The following PCDHA5 variants were observed in gnomAD, a reference collection of about 807,000 sequenced individuals.
PCDHA5 encodes protocadherin alpha-5.
A neutral mutation model predicts 61.6 loss-of-function variants in PCDHA5; 43 were observed. The ratio of observed to expected loss-of-function variants is 0.70; its 90% CI spans 0.55 to 0.90. PCDHA5 has a LOEUF of 0.90. PCDHA5 is among the 40% of genes least tolerant of loss of function. The probability of loss-of-function intolerance (pLI) is 0.00; values close to 1 mark genes in which losing one functional copy is unlikely to be tolerated. For synonymous variants in PCDHA5, 627 were observed against 543.9 expected (o/e 1.15, Z -2.13); for missense variants, 1,298 against 1,222.7 (o/e 1.06, Z -0.92).
chr5:140,848,483 C>CT, intron 1 of PCDHA5: 1 of 1,570,026 alleles, frequency 6.4e-7, no homozygotes. Flanking sequence ...TAGAAGAAGA[C>CT]TGAGTATTTG....
At chr5:140,828,645 A>T in intron 1 of PCDHA5, 1 of 1,614,224 alleles carries the variant, frequency 6.2e-7, no homozygotes, top group South Asian at 1.1e-5. Flanking sequence ...GTGAAAATAA[A>T]CAGTGATGAC....
intron 1 of PCDHA5, chr5:140,829,605 C>G (rs2150171072): frequency 9.9e-6 from 16 of 1,611,986 alleles, no homozygotes; most frequent in Non-Finnish European, 1.2e-5. Context: ...CGCGCGTTGT[C>G]GAGCTACATT....
chr5:140,925,596 T>G (rs1218423622), intron 1 of PCDHA5, among the ~76,000 whole-genome samples: 1 of 151,466 alleles, frequency 6.6e-6, no homozygotes, highest in Admixed American at 6.6e-5. Context: ...TGTATACATA[T>G]GTAACAAACC....
intron 1 of PCDHA5, among the ~76,000 whole-genome samples, chr5:140,899,610 A>G (rs2067438350): frequency 6.6e-6 from 1 of 152,164 alleles, no homozygotes; most frequent in Admixed American, 6.5e-5. Flanking sequence ...TTTTGCATCA[A>G]TGTTCATCAA....
intron 1 of PCDHA5, chr5:140,834,376 A>G (rs2150216105): frequency 6.4e-7 from 1 of 1,561,296 alleles, no homozygotes; most frequent in East Asian, 2.3e-5. Flanking sequence ...ACAAGCCAAT[A>G]ATTTGAAATG....
intron 1 of PCDHA5, among the ~76,000 whole-genome samples, chr5:140,839,041 C>A (rs1776010412): frequency 6.6e-6 from 1 of 151,884 alleles, no homozygotes; most frequent in African/African-American, 2.4e-5. Context: ...GTTTTCTTTT[C>A]AACGTGAATA....
Position 140,898,113 on chromosome 5 carries a change from C to G in PCDHA5, c.2352+73986C>G, listed in dbSNP as rs369408845. 3.9e-5 allele frequency among the ~76,000 whole-genome samples: 6 copies of G among 151,952 alleles called. No individual in the cohort carries two copies. The East Asian group carries it at 1.2e-3, about 29-fold the overall frequency. ...AGCCCTTTGTCAGATGAGTAGGTTG[C>G]GAAAATTTTCTCCCATTTTGTAGGT... On this transcript the variant is annotated intron_variant, in intron 1 of 3. Coordinates refer to ENST00000529859, the MANE Select transcript of PCDHA5 (RefSeq NM_018908.3).
At chr5:140,937,328 C>T (rs191377007) in intron 1 of PCDHA5, among the ~76,000 whole-genome samples, 9 of 152,066 alleles carry the variant, frequency 5.9e-5, no homozygotes, top group Admixed American at 5.2e-4. Context: ...TGAGCCACCG[C>T]GCCCGGCTTC....
At position 140,822,035 on chromosome 5, in the gene PCDHA5, C is replaced by T. The variant is rs2150113040; in HGVS notation, c.260C>T (p.Ser87Phe). 1 of 1,614,202 alleles carries T rather than the reference C, an allele frequency of 6.2e-7. No homozygotes were observed. The highest frequency in any genetic ancestry group is 1.1e-5 in the South Asian group (1 of 91,072). The change falls in exon 1 of 4, where the codon TCT becomes TTT. Residue 87 changes from serine to phenylalanine, a missense_variant. Ser to Phe is a radical substitution (Grantham distance 155). Transcript: ENST00000529859. Reference protein sequence around the residue: ...NLQNGILFVNSRIDREELCRR... With the variant: ...NLQNGILFVNFRIDREELCRR... The stretch of plus-strand genomic sequence containing the variant: ...CAGAATGGCATTTTGTTTGTGAATT[C>T]TCGGATCGACCGGGAGGAGCTGTGC...
rs1207145020 is a variant in PCDHA5, at chr5:140,966,511, A to G, written c.2353-12438A>G. On this transcript the variant is annotated intron_variant, in intron 1 of 3. Coordinates refer to ENST00000529859, the MANE Select transcript of PCDHA5 (RefSeq NM_018908.3). ...CCCCTGGAGCTGTAGCGGCAGCAGC[A>G]GCAGGAAGCCGAGCCGGGTTGAGCG... The G allele has an allele frequency of 7.1e-5, 31 of 433,774 alleles. No homozygotes were observed. In the East Asian group the frequency reaches 1.1e-3, roughly 15 times the overall value. 26.9% of individuals were successfully genotyped at this position (433,774 alleles called of 1,614,324 possible). A position where few individuals can be genotyped will look rare whatever the true frequency, so the allele number is the denominator to read the frequency against.
At chr5:140,969,091 G>A (rs1554231442) in intron 1 of PCDHA5, 3 of 1,614,152 alleles carry the variant, frequency 1.9e-6, no homozygotes, top group Admixed American at 1.7e-5. Context: ...TCAAAGTGCA[G>A]CCTCACTTCA....
At chr5:140,835,778 G>A in intron 1 of PCDHA5, 1 of 1,613,340 alleles carries the variant, frequency 6.2e-7, no homozygotes, top group Non-Finnish European at 8.5e-7. Flanking sequence ...TGTTCGTGAA[G>A]GAGAACAACC....
chr5:140,896,540 T>C (rs1372765271), intron 1 of PCDHA5, among the ~76,000 whole-genome samples: 1 of 151,560 alleles, frequency 6.6e-6, no homozygotes, highest in Non-Finnish European at 1.5e-5. Flanking sequence ...ATTTTTCTTT[T>C]TTTTTTTTGT....
intron 1 of PCDHA5, chr5:140,850,644 C>G: frequency 6.3e-7 from 1 of 1,598,664 alleles, no homozygotes; most frequent in Non-Finnish European, 8.6e-7. Flanking sequence ...CACGCTGCTG[C>G]TGTACACTGT....
At position 140,835,650 on chromosome 5, in the gene PCDHA5, C is replaced by T. The variant is rs2150240759; in HGVS notation, c.2352+11523C>T. The T allele has an allele frequency of 2.2e-5, 35 of 1,613,820 alleles. 1 individual carries two copies. The highest frequency in any genetic ancestry group is 2.2e-4 in the Admixed American group (13 of 59,994). On this transcript the variant is annotated intron_variant, in intron 1 of 3. Coordinates refer to ENST00000529859, the MANE Select transcript of PCDHA5 (RefSeq NM_018908.3). ...CCGCGAGAGTGTGTCCGCCTATGAG[C>T]TGGTGGTTACCGCGCGGGACGGGGG...
chr5:140,897,253 T>C (rs1481151592), intron 1 of PCDHA5, among the ~76,000 whole-genome samples: 1 of 151,928 alleles, frequency 6.6e-6, no homozygotes, highest in East Asian at 1.9e-4. Flanking sequence ...TACATATGTA[T>C]ACATGTGCCA....
chr5:140,924,116 G>C (rs2081683465), intron 1 of PCDHA5, among the ~76,000 whole-genome samples: 1 of 152,178 alleles, frequency 6.6e-6, no homozygotes, highest in African/African-American at 2.4e-5. Flanking sequence ...AAAGCAGTTA[G>C]CTTGCTTAGC....
chr5:140,932,500 T>C (rs2088368568), intron 1 of PCDHA5, among the ~76,000 whole-genome samples: 3 of 151,914 alleles, frequency 2.0e-5, no homozygotes, highest in Non-Finnish European at 4.4e-5. Context: ...ATGTCATTTG[T>C]TAACAGTAGT....
At position 140,821,793 on chromosome 5, in the gene PCDHA5, A is replaced by C; in HGVS notation, c.18A>C (p.Arg6Ser). MVYSR[R>S]GSLGSRLLLL... ...AGATTGAGATGGTATATTCCCGGAG[A>C]GGAAGTCTGGGATCCCGGCTCCTGC... The change falls in exon 1 of 4, where the codon AGA becomes AGC. Residue 6 changes from arginine (R) to serine (S), a missense_variant. Arg to Ser is a moderately radical substitution (Grantham distance 110, BLOSUM62 -1). Transcript: ENST00000529859. 1 of 1,612,486 alleles carries C rather than the reference A, an allele frequency of 6.2e-7. No homozygotes were observed. Among genetic ancestry groups the C allele is most frequent in the Non-Finnish European group, 8.5e-7 (1 of 1,179,142 alleles).
Sources: allele counts gnomAD v4.1 joint callset (sites outside exome capture counted in the v4.1 genomes callset), GRCh38; gene constraint gnomAD v4.1.1; transcripts MANE v1.5; gene names NCBI Gene and HGNC (gene_info 2026-07-23, HGNC 2026-07-21).